ABTB3: variants seen among roughly 807,000 people sequenced by gnomAD.
ABTB3 encodes ankyrin repeat and BTB domain containing 3.
At chr12:107,363,373 A>G in the ABTB3 span, among the ~76,000 whole-genome samples, 1 of 152,232 alleles carries the variant, frequency 6.6e-6, no homozygotes, top group Non-Finnish European at 1.5e-5. Flanking sequence ...TTCCATTTTG[A>G]CTTAAGGATT....
At chr12:107,345,429 G>A in the ABTB3 span, among the ~76,000 whole-genome samples, 192 of 152,112 alleles carry the variant, frequency 1.3e-3, no homozygotes, top group Admixed American at 1.2e-3. Flanking sequence ...TGGATAAAAT[G>A]GGTGTGGTAT....
At chr12:107,482,981 T>C in the ABTB3 span, among the ~76,000 whole-genome samples, 1,212 of 33,384 alleles carry the variant, frequency 0.036, 48 homozygotes, top group African/African-American at 0.078. Flanking sequence ...TCTTTCTTTC[T>C]TTCTTTCCTT....
At chr12:107,501,094 CAAT>C in the ABTB3 span, among the ~76,000 whole-genome samples, 2 of 152,112 alleles carry the variant, frequency 1.3e-5, no homozygotes, top group Non-Finnish European at 2.9e-5. Flanking sequence ...ATAACAGCAA[CAAT>C]AATAATAATA....
the ABTB3 span, among the ~76,000 whole-genome samples, chr12:107,465,437 T>C: frequency 2.0e-5 from 3 of 152,154 alleles, no homozygotes; most frequent in African/African-American, 7.2e-5. Flanking sequence ...ACTGTGAGCC[T>C]CTTCCTACCT....
chr12:107,371,811 TG>T, the ABTB3 span, among the ~76,000 whole-genome samples: 4 of 152,306 alleles, frequency 2.6e-5, no homozygotes, highest in East Asian at 7.7e-4. Context: ...TTCTGCCACT[TG>T]GGTTCTGTGA....
At chr12:107,368,936 T>A in the ABTB3 span, among the ~76,000 whole-genome samples, 1 of 152,098 alleles carries the variant, frequency 6.6e-6, no homozygotes, top group Admixed American at 6.6e-5. Flanking sequence ...TTCTATTGCA[T>A]TTCCTTTCTT....
At chr12:107,447,246 G>A in the ABTB3 span, among the ~76,000 whole-genome samples, 6 of 152,140 alleles carry the variant, frequency 3.9e-5, no homozygotes, top group South Asian at 2.1e-4. Flanking sequence ...AGGTTCAAGC[G>A]ATTTTCTTGC....
chr12:107,487,192 G>A, the ABTB3 span, among the ~76,000 whole-genome samples: 1 of 152,142 alleles, frequency 6.6e-6, no homozygotes, highest in Non-Finnish European at 1.5e-5. Context: ...TTGACCATGA[G>A]CTTTTAGAGA....
At chr12:107,503,756 C>CAAAAA in the ABTB3 span, among the ~76,000 whole-genome samples, 7 of 70,736 alleles carry the variant, frequency 9.9e-5, no homozygotes, top group East Asian at 1.0e-3. Context: ...GACCCTATCT[C>CAAAAA]AAAAAAAAAA....
chr12:107,386,020 C>G, the ABTB3 span, among the ~76,000 whole-genome samples: 3 of 105,590 alleles, frequency 2.8e-5, no homozygotes, highest in African/African-American at 9.4e-5. Context: ...GACCTTGACC[C>G]AGGGTTCTCT....
At chr12:107,417,711 T>C in the ABTB3 span, among the ~76,000 whole-genome samples, 1 of 152,276 alleles carries the variant, frequency 6.6e-6, no homozygotes, top group Non-Finnish European at 1.5e-5. Context: ...TACTCTCGTT[T>C]ACTGAGTATC....
At chr12:107,377,182 C>T in the ABTB3 span, among the ~76,000 whole-genome samples, 560 of 152,276 alleles carry the variant, frequency 3.7e-3, 3 homozygotes, top group African/African-American at 0.013. Context: ...CAGCCCATGT[C>T]CAGGGACTGA....
At chr12:107,618,431 C>G in the ABTB3 span, 1 of 1,487,742 alleles carries the variant, frequency 6.7e-7, no homozygotes, top group East Asian at 2.4e-5. Flanking sequence ...AGCTTTAGGT[C>G]CACACACACA....
the ABTB3 span, among the ~76,000 whole-genome samples, chr12:107,603,847 C>T: frequency 6.6e-6 from 1 of 152,108 alleles, no homozygotes; most frequent in Non-Finnish European, 1.5e-5. Flanking sequence ...AACTCAAACA[C>T]CTCAATAGTA....
chr12:107,500,336 T>C, the ABTB3 span, among the ~76,000 whole-genome samples: 5 of 152,150 alleles, frequency 3.3e-5, no homozygotes, highest in Non-Finnish European at 5.9e-5. Context: ...TGGATTGTGC[T>C]TCCCCATGCC....
the ABTB3 span, among the ~76,000 whole-genome samples, chr12:107,556,657 T>C: frequency 2.7e-3 from 408 of 152,336 alleles, 7 homozygotes; most frequent in East Asian, 0.042. Flanking sequence ...TCGCCCTTCA[T>C]CTTCCCTTTT....
At chr12:107,569,103 C>T in the ABTB3 span, among the ~76,000 whole-genome samples, 1 of 152,184 alleles carries the variant, frequency 6.6e-6, no homozygotes, top group Non-Finnish European at 1.5e-5. Flanking sequence ...AGCCACCACC[C>T]AGTGGCAAAG....
chr12:107,486,096 C>T, the ABTB3 span, among the ~76,000 whole-genome samples: 7 of 152,114 alleles, frequency 4.6e-5, no homozygotes, highest in African/African-American at 1.7e-4. Flanking sequence ...CCCAGTGTGA[C>T]AGTGTTGGGA....
chr12:107,545,170 C>T, the ABTB3 span, among the ~76,000 whole-genome samples: 4 of 152,156 alleles, frequency 2.6e-5, no homozygotes, highest in African/African-American at 9.7e-5. Context: ...AACCATGTCT[C>T]TTGGCTTTCA....
Sources: gnomAD v4.1 joint callset for allele counts (sites outside exome capture counted in the v4.1 genomes callset) on GRCh38, gnomAD v4.1.1 for gene constraint, MANE v1.5 for transcripts, NCBI Gene and HGNC (gene_info 2026-07-23, HGNC 2026-07-21) for gene names.